Variants in WDPCP observed in about 807,000 individuals in gnomAD.
WDPCP encodes the protein WD repeat containing planar cell polarity effector.
WDPCP carries 71 observed loss-of-function variants against 93.1 expected under a neutral mutation model. The observed-to-expected ratio is 0.76, with a 90% CI of 0.63 to 0.93. The LOEUF (loss-of-function observed/expected upper bound fraction) is 0.93, where lower values mean the gene tolerates loss of function less well. Ranked by LOEUF, WDPCP falls within the 40% of genes least tolerant of loss-of-function variation. The probability of loss-of-function intolerance (pLI) is 0.00; values close to 1 mark genes in which losing one functional copy is unlikely to be tolerated. For synonymous variants in WDPCP, 315 were observed against 315.0 expected, an observed-to-expected ratio of 1.00 and a Z score of 0.00; for missense variants, 844 against 887.4, an observed-to-expected ratio of 0.95 and a Z score of 0.62.
chr2:63,739,167 T>C (rs1393368613), intron 2 of WDPCP, among the ~76,000 whole-genome samples: 1 of 152,156 alleles, frequency 6.6e-6, no homozygotes, highest in Non-Finnish European at 1.5e-5. Context: ...CTATATTTTC[T>C]GCTCCTTTCC....
chr2:63,317,306 G>A (rs1343512980), intron 12 of WDPCP, among the ~76,000 whole-genome samples: 1 of 151,626 alleles, frequency 6.6e-6, no homozygotes, highest in East Asian at 1.9e-4. Flanking sequence ...TACTTGGGAA[G>A]CTGAGGCAGA....
intron 14 of WDPCP, among the ~76,000 whole-genome samples, chr2:63,182,859 A>G (rs930888019): frequency 1.6e-5 from 2 of 123,254 alleles, no homozygotes; most frequent in African/African-American, 6.3e-5. Flanking sequence ...TAGGATTTCT[A>G]TGTGTTCAAT....
intron 1 of WDPCP, among the ~76,000 whole-genome samples, chr2:63,530,400 G>C (rs1037013751): frequency 2.6e-5 from 4 of 152,158 alleles, no homozygotes; most frequent in African/African-American, 9.7e-5. Flanking sequence ...GGTATGCTGT[G>C]TCTTTGTTCT....
chr2:63,346,634 C>T (rs1575191691), intron 12 of WDPCP, among the ~76,000 whole-genome samples: 2 of 152,192 alleles, frequency 1.3e-5, no homozygotes, highest in Non-Finnish European at 2.9e-5. Flanking sequence ...AGTCATCTCA[C>T]TCTATGAATG....
At chr2:63,125,914 T>A (rs1029326760) in intron 17 of WDPCP, among the ~76,000 whole-genome samples, 14 of 146,014 alleles carry the variant, frequency 9.6e-5, no homozygotes, top group Non-Finnish European at 1.8e-4. Context: ...CCAGGCTGCT[T>A]TTCAGTTTTT....
At chr2:63,730,998 C>T (rs549375418) in intron 2 of WDPCP, among the ~76,000 whole-genome samples, 15 of 151,638 alleles carry the variant, frequency 9.9e-5, no homozygotes, top group Non-Finnish European at 1.8e-4. Context: ...AGGCCGGGTA[C>T]GGTGGCTCAT....
intron 2 of WDPCP, among the ~76,000 whole-genome samples, chr2:63,746,684 C>A (rs1669803147): frequency 6.6e-6 from 1 of 152,118 alleles, no homozygotes; most frequent in Non-Finnish European, 1.5e-5. Context: ...TCCTGCAGCG[C>A]CCCAAGGTTT....
chr2:63,288,715 C>T (rs529104852), intron 13 of WDPCP, among the ~76,000 whole-genome samples: 1 of 152,194 alleles, frequency 6.6e-6, no homozygotes, highest in South Asian at 2.1e-4. Context: ...ATTACTCAAA[C>T]TTAATCACTG....
intron 6 of WDPCP, among the ~76,000 whole-genome samples, chr2:63,467,504 C>T (rs1575475679): frequency 6.8e-6 from 1 of 147,808 alleles, no homozygotes; most frequent in Admixed American, 6.8e-5. Context: ...AAATGCCAGG[C>T]GTGGTGGCTC....
chr2:63,484,628 T>C lies in WDPCP; in HGVS notation c.360A>G (p.Lys120=), dbSNP rs755473278. The change falls in exon 6 of 18, where the codon AAA becomes AAG. Residue 120 remains lysine (K), a synonymous_variant. Coordinates refer to ENST00000272321, the MANE Select transcript of WDPCP (RefSeq NM_015910.7). Reference sequence around the variant, plus strand: ...CCTGACAGACATATTTGTTCTTCCATTTGCTCAGCACACACCGACTGTTTT... The same window carrying C: ...CCTGACAGACATATTTGTTCTTCCACTTGCTCAGCACACACCGACTGTTTT... ...LMQNSRCVLS[K]WKNKYVCQLL... is the part of the protein sequence containing the mutation. 4.3e-6 allele frequency: 7 copies of C among 1,612,838 alleles called. No homozygotes were observed. The South Asian group carries it at 5.5e-5, about 13-fold the overall frequency.
intron 2 of WDPCP, among the ~76,000 whole-genome samples, chr2:63,762,769 G>A (rs1308247947): frequency 6.6e-6 from 1 of 152,196 alleles, no homozygotes; most frequent in Admixed American, 6.5e-5. Flanking sequence ...AACCACTCAT[G>A]AGGGCAGAAC....
At chr2:63,720,972 G>A (rs1205947653) in intron 2 of WDPCP, among the ~76,000 whole-genome samples, 1 of 152,202 alleles carries the variant, frequency 6.6e-6, no homozygotes, top group Non-Finnish European at 1.5e-5. Flanking sequence ...CATTAACCTG[G>A]AGCCTGAAAT....
chr2:63,186,067 G>C lies in WDPCP; in HGVS notation c.1916-11235C>G, dbSNP rs1478940032. Among the ~76,000 whole-genome samples the C allele has an allele frequency of 2.6e-5, 4 of 152,166 alleles. No homozygotes were observed. In the East Asian group the frequency reaches 7.7e-4, roughly 29 times the overall value. ...ACATGTGAAGACCAGGGCAGCCAAA[G>C]CTCCTAGACCAGGTGAGCTGGTGTG... On this transcript the variant is annotated intron_variant, in intron 14 of 17. Coordinates refer to ENST00000272321, the MANE Select transcript of WDPCP (RefSeq NM_015910.7).
intron 2 of WDPCP, among the ~76,000 whole-genome samples, chr2:63,771,600 T>C (rs886997973): frequency 1.3e-5 from 2 of 151,934 alleles, no homozygotes; most frequent in African/African-American, 2.4e-5. Context: ...TCTGGGTTAA[T>C]TGTTATATTG....
rs182605366 is a variant in WDPCP at position 63,698,832 on chromosome 2, T to A, written n.309-47994A>T. Among the ~76,000 whole-genome samples, 14 of 152,206 alleles carry A rather than the reference T, an allele frequency of 9.2e-5. No individual in the cohort carries two copies. The East Asian group carries it at 1.9e-3, about 21-fold the overall frequency. On this transcript the variant is annotated intron_variant and non_coding_transcript_variant, in intron 2 of 4. Transcript: ENST00000467687. ...CAAAATTAGCTGTGATGGAGAAGAA[T>A]CCTGTTGCAGACAATGACATGGACA...
At chr2:63,322,827 G>A (rs755887676) in intron 12 of WDPCP, among the ~76,000 whole-genome samples, 4 of 152,096 alleles carry the variant, frequency 2.6e-5, no homozygotes, top group Non-Finnish European at 5.9e-5. Flanking sequence ...TTGCCAAGTG[G>A]TGAGTACCAT....
chr2:63,368,743 A>G (rs1357121441), intron 12 of WDPCP: 1 of 152,206 alleles, frequency 6.6e-6, no homozygotes, highest in African/African-American at 2.4e-5. Context: ...AATATGTAAT[A>G]AAAGTGTAAA....
chr2:63,285,632 T>TA (rs1683939286), intron 13 of WDPCP, among the ~76,000 whole-genome samples: 1 of 152,046 alleles, frequency 6.6e-6, no homozygotes, highest in Non-Finnish European at 1.5e-5. Flanking sequence ...AAAGGACCAG[T>TA]AAACTTCAGA....
intron 1 of WDPCP, among the ~76,000 whole-genome samples, chr2:63,535,604 A>G (rs1167890058): frequency 6.6e-6 from 1 of 152,200 alleles, no homozygotes; most frequent in Non-Finnish European, 1.5e-5. Context: ...AAAACAAGAA[A>G]TGGAGAAAGG....
Sources: gnomAD v4.1 joint callset for allele counts (sites outside exome capture counted in the v4.1 genomes callset) on GRCh38, gnomAD v4.1.1 for gene constraint, MANE v1.5 for transcripts, NCBI Gene and HGNC (gene_info 2026-07-23, HGNC 2026-07-21) for gene names.